CLINT1: variants seen among roughly 807,000 people sequenced by gnomAD.
CLINT1 encodes the protein clathrin interactor 1, also known as clathrin interacting protein localized in the trans-Golgi region.
In CLINT1, 15 loss-of-function variants were observed where a neutral mutation model predicts 70.4. The observed-to-expected ratio is 0.21, with a 90% CI of 0.14 to 0.33. CLINT1 has a LOEUF of 0.33. CLINT1 is among the 10% of genes least tolerant of loss of function. CLINT1 has a pLI of 1.00. For synonymous variants in CLINT1, 227 were observed against 254.7 expected, an observed-to-expected ratio of 0.89 and a Z score of 1.04; for missense variants, 615 against 778.1, an observed-to-expected ratio of 0.79 and a Z score of 2.49.
chr5:157,801,462 GT>G (rs1473672115), intron 8 of CLINT1, among the ~76,000 whole-genome samples: 10 of 151,940 alleles, frequency 6.6e-5, no homozygotes, highest in Non-Finnish European at 1.5e-5. Flanking sequence ...AGTCAAGACT[GT>G]GTACTGCACT....
At chr5:157,848,995 G>A (rs925124115) in intron 1 of CLINT1, among the ~76,000 whole-genome samples, 1 of 151,808 alleles carries the variant, frequency 6.6e-6, no homozygotes, top group East Asian at 1.9e-4. Flanking sequence ...ACAGGATTTT[G>A]CCATGCTGGC....
At chr5:157,845,710 C>A (rs13184137) in intron 1 of CLINT1, among the ~76,000 whole-genome samples, 7 of 152,026 alleles carry the variant, frequency 4.6e-5, no homozygotes, top group Non-Finnish European at 1.0e-4. Flanking sequence ...TGCCACCACG[C>A]CCGGCTAATT....
At chr5:157,855,718 T>G (rs1753737059) in intron 1 of CLINT1, among the ~76,000 whole-genome samples, 1 of 152,194 alleles carries the variant, frequency 6.6e-6, no homozygotes, top group South Asian at 2.1e-4. Flanking sequence ...GTGGATCACC[T>G]GAGGTCAGGA....
chr5:157,855,910 C>T (rs1157405608), intron 1 of CLINT1, among the ~76,000 whole-genome samples: 3 of 151,142 alleles, frequency 2.0e-5, no homozygotes, highest in South Asian at 2.1e-4. Flanking sequence ...ACTTCAGCCC[C>T]GGGAACAAGA....
chr5:157,846,780 T>C (rs942120656), intron 1 of CLINT1, among the ~76,000 whole-genome samples: 4 of 152,208 alleles, frequency 2.6e-5, no homozygotes, highest in Non-Finnish European at 5.9e-5. Flanking sequence ...CAGTGCTCAC[T>C]GCACATTATG....
At chr5:157,813,573 T>A (rs1010587441) in intron 4 of CLINT1, among the ~76,000 whole-genome samples, 1 of 152,200 alleles carries the variant, frequency 6.6e-6, no homozygotes, top group African/African-American at 2.4e-5. Context: ...TTCTATCATA[T>A]TTTAAGAAAA....
chr5:157,816,218 A>G (rs528623426), intron 3 of CLINT1, among the ~76,000 whole-genome samples: 107 of 152,318 alleles, frequency 7.0e-4, no homozygotes, highest in Middle Eastern at 3.4e-3. Flanking sequence ...AGGTTATAGA[A>G]GCATAGATGA....
At chr5:157,790,407 A>G (rs1023904475) in intron 10 of CLINT1, 1 of 281,442 alleles carries the variant, frequency 3.6e-6, no homozygotes, top group East Asian at 9.7e-5. Context: ...TTCAGGAGAA[A>G]GAAGCAGAGG....
chr5:157,839,614 A>C (rs7709323), intron 1 of CLINT1, among the ~76,000 whole-genome samples: 17 of 147,448 alleles, frequency 1.2e-4, no homozygotes, highest in African/African-American at 4.4e-4. Flanking sequence ...TAAAATAAAA[A>C]AAAAAAACAA....
At position 157,845,615 on chromosome 5, in the gene CLINT1, G is replaced by A. The variant is rs1449050631; in HGVS notation, c.41+13315C>T. On this transcript the variant is annotated intron_variant, in intron 1 of 11. Transcript: ENST00000411809. ...CGCCCAGGCTGGAGTGCAGTGGCGC[G>A]ATCTTGGCTCACTGCAAGCTCCGCC... Among the ~76,000 whole-genome samples the A allele has an allele frequency of 6.7e-5, 10 of 149,606 alleles. No individual in the cohort carries two copies. In the East Asian group the frequency reaches 1.6e-3, roughly 24 times the overall value.
intron 6 of CLINT1, among the ~76,000 whole-genome samples, chr5:157,807,436 A>C (rs1002700258): frequency 3.9e-5 from 6 of 152,120 alleles, no homozygotes; most frequent in Non-Finnish European, 7.4e-5. Context: ...TATAAATCTG[A>C]CTAGCACACG....
intron 5 of CLINT1, among the ~76,000 whole-genome samples, chr5:157,811,638 T>C (rs910682385): frequency 1.3e-5 from 2 of 152,156 alleles, no homozygotes; most frequent in Non-Finnish European, 2.9e-5. Context: ...AAGGATGTGA[T>C]GCAAACACAC....
At chr5:157,846,341 G>C (rs766064019) in intron 1 of CLINT1, among the ~76,000 whole-genome samples, 1 of 152,026 alleles carries the variant, frequency 6.6e-6, no homozygotes, top group African/African-American at 2.4e-5. Context: ...TGCTGATATG[G>C]AGAAAGTTTG....
intron 9 of CLINT1, among the ~76,000 whole-genome samples, chr5:157,792,915 C>T (rs1341183931): frequency 2.0e-5 from 3 of 152,168 alleles, no homozygotes; most frequent in Non-Finnish European, 4.4e-5. Flanking sequence ...AAGTATGTAC[C>T]TTCCAAGTTA....
Position 157,859,103 on chromosome 5 carries a change from C to T in CLINT1, c.-133G>A, listed in dbSNP as rs908858633. On this transcript the variant is annotated 5_prime_UTR_variant, in exon 1 of 12. Coordinates refer to ENST00000411809, the MANE Select transcript of CLINT1 (RefSeq NM_014666.4). ...CTCGAACTCCCCCAGTCAGCTCCTT[C>T]CTTTGCCACAGCAGCGGCGCCGCCG... 16 of 921,940 alleles carry T rather than the reference C, an allele frequency of 1.7e-5. No homozygotes were observed. The highest frequency in any genetic ancestry group is 2.2e-5 in the Non-Finnish European group (14 of 630,034). 57.1% of individuals were successfully genotyped at this position (921,940 alleles called of 1,614,324 possible). A position where few individuals can be genotyped will look rare whatever the true frequency, so the allele number is the denominator to read the frequency against.
intron 1 of CLINT1, among the ~76,000 whole-genome samples, chr5:157,856,518 C>T (rs1170009303): frequency 6.6e-6 from 1 of 152,232 alleles, no homozygotes; most frequent in African/African-American, 2.4e-5. Context: ...CAAGTTCCTT[C>T]ATCATTTTAT....
chr5:157,808,247 C>T (rs529586148), intron 6 of CLINT1, among the ~76,000 whole-genome samples: 55 of 152,130 alleles, frequency 3.6e-4, no homozygotes, highest in Non-Finnish European at 7.1e-4. Context: ...ATTTCCTGAA[C>T]AGGCATTCCA....
At chr5:157,794,730 A>G (rs985333738) in intron 9 of CLINT1, among the ~76,000 whole-genome samples, 168 bp downstream of exon 9, 1 of 152,270 alleles carries the variant, frequency 6.6e-6, no homozygotes, top group African/African-American at 2.4e-5. Flanking sequence ...TTCATTTGGC[A>G]CATTTAAGGC....
chr5:157,817,720 T>G (rs889656893), intron 1 of CLINT1, among the ~76,000 whole-genome samples, 173 bp from the exon 2 acceptor site: 1 of 152,294 alleles, frequency 6.6e-6, no homozygotes, highest in South Asian at 2.1e-4. Context: ...GTAACACACT[T>G]AAGTTATCTT....
Sources: allele counts gnomAD v4.1 joint callset (sites outside exome capture counted in the v4.1 genomes callset), GRCh38; gene constraint gnomAD v4.1.1; transcripts MANE v1.5; gene names NCBI Gene and HGNC (gene_info 2026-07-23, HGNC 2026-07-21).